Variants in AKAP13 observed in about 807,000 individuals in gnomAD.
The protein encoded by AKAP13 is A-kinase anchoring protein 13, also known as A-kinase anchor protein 13.
Under a neutral mutation model 264.5 loss-of-function variants are expected in AKAP13, and 80 were observed. The observed-to-expected ratio is 0.30, with a 90% CI of 0.25 to 0.36. The LOEUF is 0.36. Among genes scored for constraint, AKAP13 ranks in the 10% least tolerant of loss-of-function variants. The pLI, the probability that AKAP13 is intolerant of heterozygous loss-of-function variation, is 1.00. For synonymous variants in AKAP13, 1,380 were observed against 1,250.2 expected, an observed-to-expected ratio of 1.10 and a Z score of -2.19; for missense variants, 3,712 against 3,435.2, an observed-to-expected ratio of 1.08 and a Z score of -2.01.
intron 1 of AKAP13, among the ~76,000 whole-genome samples, chr15:85,399,378 C>T (rs942592426): frequency 6.7e-6 from 1 of 148,728 alleles, no homozygotes. Flanking sequence ...CGCCTGTAGT[C>T]CCAGCTACTC....
intron 2 of AKAP13, among the ~76,000 whole-genome samples, chr15:85,489,462 G>A (rs1441287419): frequency 6.6e-6 from 1 of 152,190 alleles, no homozygotes; most frequent in African/African-American, 2.4e-5. Flanking sequence ...GAGTCAAGTT[G>A]CAGGGATTTA....
chr15:85,735,197 C>G, intron 31 of AKAP13, 47 bp downstream of exon 31: 2 of 1,578,922 alleles, frequency 1.3e-6, no homozygotes, highest in Middle Eastern at 1.9e-4. Flanking sequence ...CCTTGACTAT[C>G]TCACACAACT....
At chr15:85,461,702 G>A (rs534283922) in intron 1 of AKAP13, among the ~76,000 whole-genome samples, 3 of 151,792 alleles carry the variant, frequency 2.0e-5, no homozygotes, top group Non-Finnish European at 4.4e-5. Context: ...CTTTAGCCAT[G>A]GTGGTTCTTT....
chr15:85,741,411 G>C lies in AKAP13; in HGVS notation c.7974G>C (p.Gln2658His). The C allele has an allele frequency of 3.7e-6, 6 of 1,613,534 alleles. No individual in the cohort carries two copies. Among genetic ancestry groups the C allele is most frequent in the Non-Finnish European group, 4.2e-6 (5 of 1,179,588 alleles). Residue 2658 changes from glutamine (Q) to histidine (H), a missense_variant, in exon 35 of 37, where the codon CAG becomes CAC. Coordinates refer to ENST00000394518, the MANE Select transcript of AKAP13 (RefSeq NM_007200.5). ...ACCTGGAGCGACTGCGTGCTGCCCA[G>C]AAACAGCTTGAGAGGGAACAGGAGC... is the stretch of plus-strand genomic sequence containing the variant. ...QYDLERLRAA[Q>H]KQLEREQEQL...
At chr15:85,644,921 A>G (rs1164461048) in intron 9 of AKAP13, among the ~76,000 whole-genome samples, 2 of 152,164 alleles carry the variant, frequency 1.3e-5, no homozygotes, top group Non-Finnish European at 2.9e-5. Flanking sequence ...ACTTTTGTTT[A>G]CAAAGTTAAT....
intron 3 of AKAP13, among the ~76,000 whole-genome samples, chr15:85,531,085 T>A (rs2077227545): frequency 6.6e-6 from 1 of 152,272 alleles, no homozygotes; most frequent in South Asian, 2.1e-4. Flanking sequence ...GGTCTCGAAC[T>A]CCTGGCCTCA....
At chr15:85,656,660 G>C (rs981567822) in intron 11 of AKAP13, among the ~76,000 whole-genome samples, 2 of 152,154 alleles carry the variant, frequency 1.3e-5, no homozygotes, top group Non-Finnish European at 2.9e-5. Context: ...GTGTTAGCCA[G>C]GATGGTCTCG....
At chr15:85,504,535 A>T (rs2076144171) in intron 2 of AKAP13, among the ~76,000 whole-genome samples, 2 of 119,374 alleles carry the variant, frequency 1.7e-5, no homozygotes, top group East Asian at 4.7e-4. Flanking sequence ...AAAAAAAAAA[A>T]GAAAAAATTA....
intron 14 of AKAP13, among the ~76,000 whole-genome samples, chr15:85,672,121 C>T (rs1367680715): frequency 6.6e-6 from 1 of 152,184 alleles, no homozygotes; most frequent in East Asian, 1.9e-4. Flanking sequence ...CCTAGGGAAC[C>T]TGATTGCAGT....
chr15:85,663,288 C>T (rs1449275290), intron 12 of AKAP13, among the ~76,000 whole-genome samples: 3 of 132,970 alleles, frequency 2.3e-5, no homozygotes, highest in Non-Finnish European at 4.7e-5. Flanking sequence ...CCAGCCTGGG[C>T]AACAGAGGGA....
At chr15:85,536,565 A>G (rs2077405325) in intron 4 of AKAP13, 1 of 152,256 alleles carries the variant, frequency 6.6e-6, no homozygotes, top group African/African-American at 2.4e-5. Context: ...AAAACTGGAA[A>G]TAACCCAGAT....
intron 1 of AKAP13, among the ~76,000 whole-genome samples, chr15:85,407,245 T>TG (rs1158733714): frequency 1.3e-5 from 2 of 149,004 alleles, no homozygotes; most frequent in African/African-American, 5.0e-5. Flanking sequence ...TTTTTTTTTT[T>TG]GGGACGGAGT....
At chr15:85,612,408 G>C (rs1388937109) in intron 8 of AKAP13, among the ~76,000 whole-genome samples, 1 of 151,968 alleles carries the variant, frequency 6.6e-6, no homozygotes, top group African/African-American at 2.4e-5. Context: ...TTTTTTTACT[G>C]GTGGTTTTGT....
At chr15:85,671,233 C>G (rs936040989) in intron 14 of AKAP13, among the ~76,000 whole-genome samples, 3 of 151,840 alleles carry the variant, frequency 2.0e-5, no homozygotes, top group African/African-American at 7.3e-5. Context: ...TCATGACTTA[C>G]TGGAATCCTA....
intron 3 of AKAP13, among the ~76,000 whole-genome samples, chr15:85,530,623 A>T (rs951592198): frequency 1.3e-5 from 2 of 152,174 alleles, no homozygotes; most frequent in African/African-American, 4.8e-5. Flanking sequence ...ATTGACATTT[A>T]TTCATATCTA....
In AKAP13 at chr15:85,645,820, T is replaced by C. The variant is rs1419085063; in HGVS notation, c.4240T>C (p.Cys1414Arg). 1 of 1,581,714 alleles carries C rather than the reference T, an allele frequency of 6.3e-7. No individual in the cohort carries two copies. Among genetic ancestry groups the C allele is most frequent in the Non-Finnish European group, 8.6e-7 (1 of 1,163,748 alleles). The change falls in exon 10 of 37, where the codon TGT (cysteine) becomes CGT (arginine). Residue 1414 changes from cysteine to arginine, a missense_variant and splice_region_variant. Around this residue, in one of 3 missense-constraint regions of AKAP13, gnomAD observed 2,759 missense variants for 2,411.7 expected, o/e 1.14. Coordinates refer to ENST00000394518, the MANE Select transcript of AKAP13 (RefSeq NM_007200.5). ...SLLASKQSPECENFLDVGLGR... is the reference protein window; with the variant it reads ...SLLASKQSPERENFLDVGLGR... ...GGTGAATAAATTCTCTTTTTCAGAA[T>C]GTGAGAACTTCCTGGATGTTGGACT...
chr15:85,502,310 A>G (rs1304383993), intron 2 of AKAP13, among the ~76,000 whole-genome samples: 1 of 152,228 alleles, frequency 6.6e-6, no homozygotes, highest in Non-Finnish European at 1.5e-5. Context: ...CATGAGCACT[A>G]CATGTGATTT....
chr15:85,583,252 T>C, intron 7 of AKAP13: 2 of 889,078 alleles, frequency 2.2e-6, no homozygotes, highest in Non-Finnish European at 2.7e-6. Flanking sequence ...GTATTAAGAA[T>C]GTGGGGGAGG....
Position 85,655,063 on chromosome 15 carries a change from A to G in AKAP13, c.4375-354A>G, listed in dbSNP as rs541384075. 2.6e-5 allele frequency among the ~76,000 whole-genome samples: 4 copies of G among 152,196 alleles called. No homozygotes were observed. In the South Asian group the frequency reaches 6.2e-4, roughly 24 times the overall value. On this transcript the variant is annotated intron_variant, in intron 10 of 36. Coordinates refer to ENST00000394518, the MANE Select transcript of AKAP13 (RefSeq NM_007200.5). Reference sequence around the variant, plus strand: ...AAAAATTAGCCAGGCGTAGTGGTGCATGCCTGTAATCCCAGCTACTTGGGA... The same window carrying G: ...AAAAATTAGCCAGGCGTAGTGGTGCGTGCCTGTAATCCCAGCTACTTGGGA...
Sources: gnomAD v4.1 joint callset for allele counts (sites outside exome capture counted in the v4.1 genomes callset) on GRCh38, gnomAD v4.1.1 for gene constraint, gnomAD v4.1.1 regional missense constraint, MANE v1.5 for transcripts, NCBI Gene and HGNC (gene_info 2026-07-23, HGNC 2026-07-21) for gene names.